The following DYNC1I1 variants were observed in gnomAD, a reference collection of about 807,000 sequenced individuals.
DYNC1I1 encodes dynein cytoplasmic 1 intermediate chain 1.
DYNC1I1 carries 43 observed loss-of-function variants against 86.6 expected under a neutral mutation model. That is an observed-to-expected ratio of 0.50 (90% confidence interval 0.39 to 0.64). The LOEUF (loss-of-function observed/expected upper bound fraction) is 0.64. DYNC1I1 is among the 30% of genes least tolerant of loss of function. The probability of loss-of-function intolerance (pLI) is 0.00; values close to 1 mark genes in which losing one functional copy is unlikely to be tolerated. For synonymous variants in DYNC1I1, 262 were observed against 283.7 expected, an observed-to-expected ratio of 0.92 and a Z score of 0.77; for missense variants, 604 against 788.8, an observed-to-expected ratio of 0.77 and a Z score of 2.81.
chr7:95,947,599 A>C (rs1792436824), intron 6 of DYNC1I1, among the ~76,000 whole-genome samples: 1 of 151,688 alleles, frequency 6.6e-6, no homozygotes, highest in Non-Finnish European at 1.5e-5. Context: ...TGTGTTACTC[A>C]CTCCACCCAT....
At chr7:96,023,416 C>T (rs1464813110) in intron 10 of DYNC1I1, among the ~76,000 whole-genome samples, 1 of 152,178 alleles carries the variant, frequency 6.6e-6, no homozygotes, top group Non-Finnish European at 1.5e-5. Context: ...GGTAGGCTTC[C>T]CAGCCAGGAA....
chr7:96,057,954 A>C (rs1789636158), intron 14 of DYNC1I1, among the ~76,000 whole-genome samples: 1 of 152,194 alleles, frequency 6.6e-6, no homozygotes, highest in Non-Finnish European at 1.5e-5. Flanking sequence ...ACCCCCATGG[A>C]CCTACAAAGA....
chr7:95,896,909 G>A (rs1440497930), intron 6 of DYNC1I1, among the ~76,000 whole-genome samples: 24 of 152,148 alleles, frequency 1.6e-4, no homozygotes, highest in Admixed American at 1.6e-3. Flanking sequence ...CCCCAAATAT[G>A]TCAAATGTTA....
chr7:95,827,433 A>C lies in DYNC1I1; in HGVS notation c.315-624A>C, dbSNP rs1044432705. 6.6e-5 allele frequency among the ~76,000 whole-genome samples: 10 copies of C among 152,242 alleles called. No individual in the cohort carries two copies. In the East Asian group the frequency reaches 1.3e-3, roughly 20 times the overall value. On this transcript the variant is annotated intron_variant, in intron 4 of 16. Transcript: ENST00000447467. ...CTATTGATACTTTGTGCCATTGCTT[A>C]TGCAATGTTTAAAAAATATAAGATA...
intron 5 of DYNC1I1, among the ~76,000 whole-genome samples, chr7:95,863,768 C>G (rs545479493): frequency 8.9e-4 from 136 of 152,258 alleles, no homozygotes; most frequent in African/African-American, 3.2e-3. Context: ...TGCAATGATT[C>G]CAGAAGCTAA....
At chr7:95,892,447 A>T (rs1321698081) in intron 6 of DYNC1I1, among the ~76,000 whole-genome samples, 2 of 152,068 alleles carry the variant, frequency 1.3e-5, no homozygotes, top group Non-Finnish European at 2.9e-5. Context: ...AGTAGCTGGG[A>T]CTACAGATGC....
chr7:95,852,628 T>TC (rs1438685041), intron 5 of DYNC1I1, among the ~76,000 whole-genome samples: 6 of 152,092 alleles, frequency 3.9e-5, no homozygotes, highest in Non-Finnish European at 8.8e-5. Context: ...TGCCTCAGCC[T>TC]CCCGGGTAGC....
intron 5 of DYNC1I1, among the ~76,000 whole-genome samples, chr7:95,841,274 C>G (rs573131129): frequency 6.6e-6 from 1 of 152,300 alleles, no homozygotes; most frequent in Admixed American, 6.5e-5. Flanking sequence ...GAAGTATCCT[C>G]ACATTCATTT....
chr7:95,793,551 A>G (rs965757603), intron 1 of DYNC1I1, among the ~76,000 whole-genome samples: 7 of 152,190 alleles, frequency 4.6e-5, no homozygotes, highest in Non-Finnish European at 1.0e-4. Context: ...AGAGAGTTCC[A>G]AAGAGCAACA....
At chr7:95,832,741 G>T (rs1212576364) in intron 5 of DYNC1I1, among the ~76,000 whole-genome samples, 1 of 151,908 alleles carries the variant, frequency 6.6e-6, no homozygotes, top group Non-Finnish European at 1.5e-5. Context: ...ATTTTTTCAT[G>T]TGTTTTTTGG....
At chr7:96,074,929 C>T (rs553452840) in intron 14 of DYNC1I1, among the ~76,000 whole-genome samples, 57 of 152,308 alleles carry the variant, frequency 3.7e-4, no homozygotes, top group Non-Finnish European at 7.9e-4. Flanking sequence ...AGACAGCTGA[C>T]TGGATGAAGA....
chr7:96,044,487 G>T (rs1313950479), intron 14 of DYNC1I1, among the ~76,000 whole-genome samples: 1 of 151,902 alleles, frequency 6.6e-6, no homozygotes, highest in Non-Finnish European at 1.5e-5. Flanking sequence ...ATTAGAGAGA[G>T]CTCAAGGATG....
intron 14 of DYNC1I1, among the ~76,000 whole-genome samples, chr7:96,059,946 C>T (rs1419958312): frequency 1.3e-5 from 2 of 152,114 alleles, no homozygotes; most frequent in African/African-American, 2.4e-5. Flanking sequence ...AGACTCTGTT[C>T]TAAAGGGTAA....
At chr7:95,838,451 G>A (rs1789179767) in intron 5 of DYNC1I1, among the ~76,000 whole-genome samples, 1 of 152,144 alleles carries the variant, frequency 6.6e-6, no homozygotes, top group African/African-American at 2.4e-5. Flanking sequence ...TAGTTTTGTA[G>A]TATAATTTGA....
At chr7:95,946,539 T>C (rs1792406446) in intron 6 of DYNC1I1, among the ~76,000 whole-genome samples, 1 of 152,178 alleles carries the variant, frequency 6.6e-6, no homozygotes, top group East Asian at 1.9e-4. Flanking sequence ...TCACTTGCAA[T>C]CCATTACATG....
At chr7:95,831,628 A>C (rs1263227658) in intron 5 of DYNC1I1, among the ~76,000 whole-genome samples, 5 of 151,926 alleles carry the variant, frequency 3.3e-5, no homozygotes, top group African/African-American at 1.2e-4. Context: ...TCTTACCAAC[A>C]GTGTACTAGG....
At chr7:96,040,036 C>A (rs1048504364) in intron 14 of DYNC1I1, among the ~76,000 whole-genome samples, 15 of 151,970 alleles carry the variant, frequency 9.9e-5, no homozygotes, top group African/African-American at 3.1e-4. Flanking sequence ...GAGTTTGAGA[C>A]CAGCCTGGCC....
At chr7:95,834,641 A>G (rs1320769537) in intron 5 of DYNC1I1, among the ~76,000 whole-genome samples, 1 of 139,178 alleles carries the variant, frequency 7.2e-6, no homozygotes, top group Non-Finnish European at 1.5e-5. Context: ...TATTGCCACA[A>G]TTTCAGATCC....
At chr7:95,957,356 A>G in intron 6 of DYNC1I1, among the ~76,000 whole-genome samples, 1 of 151,710 alleles carries the variant, frequency 6.6e-6, no homozygotes, top group East Asian at 1.9e-4. Flanking sequence ...CCCCACCCCA[A>G]CCCTCCATTT....
Sources: allele counts gnomAD v4.1 joint callset (sites outside exome capture counted in the v4.1 genomes callset), GRCh38; gene constraint gnomAD v4.1.1; transcripts MANE v1.5; gene names NCBI Gene and HGNC (gene_info 2026-07-23, HGNC 2026-07-21).